MYOCD: variants seen among roughly 807,000 people sequenced by gnomAD.
The protein encoded by MYOCD is myocardin.
Under a neutral mutation model 96.1 loss-of-function variants are expected in MYOCD, and 32 were observed. The ratio of observed to expected loss-of-function variants is 0.33; its 90% CI spans 0.25 to 0.45. The LOEUF is 0.45. MYOCD is among the 20% of genes least tolerant of loss of function. MYOCD has a pLI of 1.00. For missense variants in MYOCD, 1,133 were observed against 1,200.6 expected, an observed-to-expected ratio of 0.94 and a Z score of 0.83; for synonymous variants, 469 against 469.0, an observed-to-expected ratio of 1.00 and a Z score of 0.00.
chr17:12,705,427 G>A (rs2150674067), intron 2 of MYOCD: 2 of 415,756 alleles, frequency 4.8e-6, no homozygotes, highest in East Asian at 7.7e-5. Flanking sequence ...CAATGTAGTG[G>A]ATTTGTTCTC....
chr17:12,693,966 T>C (rs934939278), intron 1 of MYOCD, among the ~76,000 whole-genome samples: 3 of 151,846 alleles, frequency 2.0e-5, no homozygotes, highest in Admixed American at 6.6e-5. Context: ...GATAAAAACA[T>C]TGGGATGATG....
intron 1 of MYOCD, among the ~76,000 whole-genome samples, chr17:12,691,557 T>C (rs2030447877): frequency 6.6e-6 from 1 of 152,152 alleles, no homozygotes; most frequent in African/African-American, 2.4e-5. Context: ...GATTCTGAGC[T>C]GAGCATCCCT....
chr17:12,719,894 G>A (rs996382839), intron 4 of MYOCD, among the ~76,000 whole-genome samples: 2 of 149,194 alleles, frequency 1.3e-5, no homozygotes, highest in African/African-American at 4.9e-5. Flanking sequence ...AAAAATTTTA[G>A]GCAGCTAGAA....
At chr17:12,669,430 C>A (rs1275802559) in intron 1 of MYOCD, among the ~76,000 whole-genome samples, 1 of 152,218 alleles carries the variant, frequency 6.6e-6, no homozygotes, top group Non-Finnish European at 1.5e-5. Context: ...TGACCCCACC[C>A]CCACAAATAT....
intron 1 of MYOCD, among the ~76,000 whole-genome samples, chr17:12,695,182 T>C (rs563910769): frequency 3.9e-5 from 6 of 152,284 alleles, no homozygotes; most frequent in Admixed American, 1.3e-4. Flanking sequence ...TAAATTTATT[T>C]CTCACCGTTC....
chr17:12,734,630 C>CAAAT (rs1430479701), intron 5 of MYOCD, among the ~76,000 whole-genome samples: 2 of 149,144 alleles, frequency 1.3e-5, no homozygotes, highest in African/African-American at 4.9e-5. Flanking sequence ...CCTGCCTCAG[C>CAAAT]CTCCGGAGTA....
chr17:12,755,527 G>A (rs1231289582), intron 10 of MYOCD, among the ~76,000 whole-genome samples: 1 of 152,078 alleles, frequency 6.6e-6, no homozygotes, highest in Non-Finnish European at 1.5e-5. Context: ...TGGATCACAA[G>A]GTCAGGAGTT....
intron 7 of MYOCD, among the ~76,000 whole-genome samples, chr17:12,743,067 A>C (rs995669515): frequency 4.6e-5 from 7 of 152,156 alleles, no homozygotes; most frequent in South Asian, 4.1e-4. Context: ...TCCAACTTGC[A>C]GGTGAGGAAA....
At chr17:12,737,053 A>T (rs1309350492) in intron 6 of MYOCD, among the ~76,000 whole-genome samples, 3 of 152,074 alleles carry the variant, frequency 2.0e-5, no homozygotes. Flanking sequence ...TCAGGAGTGC[A>T]AGACCAGCCT....
intron 4 of MYOCD, among the ~76,000 whole-genome samples, chr17:12,719,242 A>T (rs2031749536): frequency 6.6e-6 from 1 of 150,900 alleles, no homozygotes; most frequent in Non-Finnish European, 1.5e-5. Flanking sequence ...TAACAAATAA[A>T]AATAAGTATC....
At chr17:12,753,864 T>C (rs2032933516) in intron 10 of MYOCD, among the ~76,000 whole-genome samples, 1 of 152,204 alleles carries the variant, frequency 6.6e-6, no homozygotes, top group African/African-American at 2.4e-5. Flanking sequence ...TGTAATGGTC[T>C]GCATAGTGCA....
At chr17:12,730,403 G>A (rs924133181) in intron 5 of MYOCD, among the ~76,000 whole-genome samples, 3 of 149,930 alleles carry the variant, frequency 2.0e-5, no homozygotes, top group African/African-American at 4.9e-5. Context: ...AGCCAAGATC[G>A]CGTCACTGCA....
chr17:12,672,862 C>A (rs556139981), intron 1 of MYOCD, among the ~76,000 whole-genome samples: 1 of 152,250 alleles, frequency 6.6e-6, no homozygotes, highest in African/African-American at 2.4e-5. Flanking sequence ...GATACACAGA[C>A]CCTCAAATAC....
Position 12,679,275 on chromosome 17 carries a change from A to G in MYOCD, c.55+13032A>G, listed in dbSNP as rs527853989. Among the ~76,000 whole-genome samples the G allele has an allele frequency of 2.0e-4, 31 of 152,150 alleles. No homozygotes were observed. The South Asian group carries it at 6.4e-3, about 32-fold the overall frequency. ...TTCAAGATTGAAAGAATTAGATGAGAAGGGGAGATGGAAATTCAGCAAATG... is the reference window on the plus strand; with the variant it reads ...TTCAAGATTGAAAGAATTAGATGAGGAGGGGAGATGGAAATTCAGCAAATG... On this transcript the variant is annotated intron_variant, in intron 1 of 13. Coordinates refer to ENST00000425538, the MANE Select transcript of MYOCD (RefSeq NM_001146312.3).
In MYOCD at chr17:12,666,268, C is replaced by G. The variant is rs775758986; in HGVS notation, c.55+25C>G. 9 of 1,556,894 alleles carry G rather than the reference C, an allele frequency of 5.8e-6. No homozygotes were observed. The South Asian group carries it at 1.0e-4, about 17-fold the overall frequency. ...GGTAGGGCTAAGGCATTTAGCATTC[C>G]TTCTTAAACTTTCCTCTTCTGCAAT... On this transcript the variant is annotated intron_variant, in intron 1 of 13. Transcript: ENST00000425538.
Position 12,746,016 on chromosome 17 carries a change from A to T in MYOCD, c.1069A>T (p.Thr357Ser). ...SPVKNSFSGQTGVSSFKPGPL... is the reference protein window; with the variant it reads ...SPVKNSFSGQSGVSSFKPGPL... ...TGTCAAAAACAGTTTTTCTGGACAA[A>T]CTGGTGTCTCTTCTTTCAAACCAGG... The change falls in exon 9 of 14, where the codon ACT (threonine) becomes TCT (serine). Residue 357 changes from threonine (T) to serine (S), a missense_variant. Coordinates refer to ENST00000425538, the MANE Select transcript of MYOCD (RefSeq NM_001146312.3). 6.2e-7 allele frequency: 1 copy of T among 1,614,214 alleles called. No individual in the cohort carries two copies. Among genetic ancestry groups the T allele is most frequent in the Non-Finnish European group, 8.5e-7 (1 of 1,180,012 alleles).
At chr17:12,741,693 G>C (rs2032514950) in intron 7 of MYOCD, among the ~76,000 whole-genome samples, 1 of 141,590 alleles carries the variant, frequency 7.1e-6, no homozygotes. Flanking sequence ...CTGGTCGACA[G>C]AGCGAGACTC....
At chr17:12,726,231 T>A (rs1180607293) in intron 5 of MYOCD, among the ~76,000 whole-genome samples, 1 of 152,172 alleles carries the variant, frequency 6.6e-6, no homozygotes, top group Non-Finnish European at 1.5e-5. Context: ...TGGCACTTTT[T>A]CTTAAGGGAG....
At chr17:12,708,454 C>G (rs939282953) in intron 2 of MYOCD, among the ~76,000 whole-genome samples, 13 of 151,574 alleles carry the variant, frequency 8.6e-5, no homozygotes, top group Admixed American at 7.9e-4. Flanking sequence ...AGTGCAGTAG[C>G]GTGATCTCGG....
Sources: gnomAD v4.1 joint callset for allele counts (sites outside exome capture counted in the v4.1 genomes callset) on GRCh38, gnomAD v4.1.1 for gene constraint, MANE v1.5 for transcripts, NCBI Gene and HGNC (gene_info 2026-07-23, HGNC 2026-07-21) for gene names.